PRUNE2: variants seen among roughly 807,000 people sequenced by gnomAD.
PRUNE2 encodes prune homolog 2 with BCH domain, also known as protein prune homolog 2.
A neutral mutation model predicts 252.0 loss-of-function variants in PRUNE2; 164 were observed. The ratio of observed to expected loss-of-function variants is 0.65; its 90% CI spans 0.57 to 0.74. The LOEUF (loss-of-function observed/expected upper bound fraction) is 0.74, where lower values mean the gene tolerates loss of function less well. Ranked by LOEUF, PRUNE2 falls within the 30% of genes least tolerant of loss-of-function variation. The pLI is 0.00. For missense variants in PRUNE2, 3,495 were observed against 3,711.0 expected, an observed-to-expected ratio of 0.94 and a Z score of 1.51; for synonymous variants, 1,292 against 1,350.2, an observed-to-expected ratio of 0.96 and a Z score of 0.94.
intron 14 of PRUNE2, 24 bp downstream of exon 14, chr9:76,637,394 G>T (rs200110546): frequency 6.2e-6 from 10 of 1,611,352 alleles, no homozygotes; most frequent in Middle Eastern, 3.3e-4. Flanking sequence ...TCAAAATAGT[G>T]ATTAAATAAT....
At chr9:76,902,346 A>T (rs2063229436) in intron 1 of PRUNE2, among the ~76,000 whole-genome samples, 1 of 152,202 alleles carries the variant, frequency 6.6e-6, no homozygotes, top group Non-Finnish European at 1.5e-5. Context: ...GTAACTAAGA[A>T]CAGAAAGCAT....
chr9:76,693,780 A>G (rs625981), intron 9 of PRUNE2, among the ~76,000 whole-genome samples: 118,387 of 151,590 alleles, frequency 0.78, 46,396 homozygotes, highest in East Asian at 0.94. Flanking sequence ...GAGTAGATGA[A>G]GAAGGTGCAA....
intron 1 of PRUNE2, among the ~76,000 whole-genome samples, chr9:76,884,607 A>G (rs1171917222): frequency 6.6e-6 from 1 of 152,188 alleles, no homozygotes; most frequent in Non-Finnish European, 1.5e-5. Context: ...CTTGTTCCCC[A>G]ACTTTCCACT....
At chr9:76,619,298 C>T (rs774769408) in intron 18 of PRUNE2, 42 bp downstream of exon 18, 11 of 1,372,606 alleles carry the variant, frequency 8.0e-6, no homozygotes, top group African/African-American at 1.4e-5. Context: ...CCATACAACA[C>T]TACAAGTAAC....
intron 12 of PRUNE2, among the ~76,000 whole-genome samples, chr9:76,639,081 T>C (rs1486988476): frequency 6.6e-6 from 1 of 152,212 alleles, no homozygotes; most frequent in Non-Finnish European, 1.5e-5. Context: ...ATTTAATGAT[T>C]CTACAGTCCA....
At chr9:76,795,550 G>C (rs80011477) in intron 6 of PRUNE2, among the ~76,000 whole-genome samples, 3 of 148,398 alleles carry the variant, frequency 2.0e-5, no homozygotes, top group South Asian at 2.1e-4. Flanking sequence ...ATAGCCCCTG[G>C]GGGGGAGCAT....
chr9:76,736,135 A>AGTGTGT lies in PRUNE2; in HGVS notation c.757-22420_757-22415dup, dbSNP rs10536918. On this transcript the variant is annotated intron_variant, in intron 6 of 18. Transcript: ENST00000376718. ...CTTAGAGATTAGTAGGGTTTGTGTGAGTGTGTGTGTGTGTGTGTGTGTGTG... is the reference window on the plus strand; with the variant it reads ...CTTAGAGATTAGTAGGGTTTGTGTGAGTGTGTGTGTGTGTGTGTGTGTGTGTGTGTG... Among the ~76,000 whole-genome samples, 580 of 149,514 alleles carry AGTGTGT rather than the reference A, an allele frequency of 3.9e-3. 2 individuals carry two copies. The highest frequency in any genetic ancestry group is 0.014 in the African/African-American group (552 of 40,868).
intron 6 of PRUNE2, among the ~76,000 whole-genome samples, chr9:76,793,291 T>G (rs1017219260): frequency 6.6e-6 from 1 of 152,184 alleles, no homozygotes; most frequent in Non-Finnish European, 1.5e-5. Flanking sequence ...CAATAAATAA[T>G]AATGAACAAT....
intron 1 of PRUNE2, among the ~76,000 whole-genome samples, chr9:76,885,243 T>G (rs945380535): frequency 8.5e-5 from 13 of 152,248 alleles, no homozygotes; most frequent in African/African-American, 2.7e-4. Flanking sequence ...GAAGACATAA[T>G]GGTGTGTGCT....
At chr9:76,876,210 A>T (rs1259577140) in intron 1 of PRUNE2, among the ~76,000 whole-genome samples, 1 of 152,246 alleles carries the variant, frequency 6.6e-6, no homozygotes, top group Non-Finnish European at 1.5e-5. Context: ...GGAAATAAAA[A>T]TACACAATGA....
intron 4 of PRUNE2, among the ~76,000 whole-genome samples, chr9:76,844,989 C>G (rs1273679550): frequency 1.6e-5 from 2 of 128,030 alleles, no homozygotes; most frequent in Non-Finnish European, 1.6e-5. Flanking sequence ...TATGGTGAGA[C>G]CCCCCTCTCT....
chr9:76,621,599 C>T (rs968076220), intron 17 of PRUNE2, among the ~76,000 whole-genome samples: 1 of 152,154 alleles, frequency 6.6e-6, no homozygotes, highest in African/African-American at 2.4e-5. Flanking sequence ...TTTTATTTGG[C>T]CCTTGACTTT....
At position 76,704,950 on chromosome 9, in the gene PRUNE2, T is replaced by C. The variant is rs923093339; in HGVS notation, c.7324A>G (p.Asn2442Asp). The C allele has an allele frequency of 6.2e-7, 1 of 1,613,110 alleles. No homozygotes were observed. Among genetic ancestry groups the C allele is most frequent in the African/African-American group, 1.3e-5 (1 of 75,044 alleles). The change falls in exon 8 of 19, where the codon AAC (asparagine) becomes GAC (aspartate). Residue 2442 changes from asparagine (N) to aspartate (D), a missense_variant. Coordinates refer to ENST00000376718, the MANE Select transcript of PRUNE2 (RefSeq NM_015225.3). ...AGTCTGTTTTTGGTCTCAGCCTGGT[T>C]TCCCTCACTTCTTCGATCAGGAAGT... ...SALPDRRSEGNQAETKNRLPG... is the reference protein window; with the variant it reads ...SALPDRRSEGDQAETKNRLPG...
In PRUNE2 at chr9:76,704,025, C is replaced by T; in HGVS notation, c.7588G>A (p.Glu2530Lys). ...PTKEPEQIKS[E>K]YKEERCTEKN... is the part of the protein sequence containing the mutation. ...TCTGTACATCTTTCTTCCTTGTATT[C>T]TGATTTTATCTGCTCAGGCTCTTTG... Residue 2530 changes from glutamate (E) to lysine (K), a missense_variant, in exon 9 of 19, where the codon GAA becomes AAA. Glu to Lys is a moderately conservative substitution (Grantham distance 56, BLOSUM62 1). Coordinates refer to ENST00000376718, the MANE Select transcript of PRUNE2 (RefSeq NM_015225.3). The T allele has an allele frequency of 6.2e-7, 1 of 1,613,462 alleles. No homozygotes were observed. Among genetic ancestry groups the T allele is most frequent in the Non-Finnish European group, 8.5e-7 (1 of 1,179,718 alleles).
At chr9:76,851,194 T>C (rs538634854) in intron 2 of PRUNE2, among the ~76,000 whole-genome samples, 1 of 152,212 alleles carries the variant, frequency 6.6e-6, no homozygotes, top group African/African-American at 2.4e-5. Flanking sequence ...ATGAGATGCC[T>C]GTCACTCAGC....
chr9:76,674,302 G>T (rs376670094), intron 9 of PRUNE2, among the ~76,000 whole-genome samples: 6 of 152,090 alleles, frequency 3.9e-5, no homozygotes, highest in Non-Finnish European at 8.8e-5. Context: ...ACTCCCATTC[G>T]CAATTGCTTC....
intron 1 of PRUNE2, among the ~76,000 whole-genome samples, chr9:76,897,390 CTTTTTTTTTTTTTT>C (rs55702049): frequency 4.3e-4 from 24 of 56,298 alleles, no homozygotes; most frequent in South Asian, 1.3e-3. Context: ...AGGCAAACCT[CTTTTTTTTTTTTTT>C]TTTTTTTTTT....
At chr9:76,633,935 C>G (rs1206069205) in intron 15 of PRUNE2, among the ~76,000 whole-genome samples, 1 of 152,010 alleles carries the variant, frequency 6.6e-6, no homozygotes, top group African/African-American at 2.4e-5. Context: ...CAACATGAGA[C>G]CCCATATCTA....
chr9:76,871,792 C>T (rs1177502807), intron 1 of PRUNE2, among the ~76,000 whole-genome samples: 1 of 152,036 alleles, frequency 6.6e-6, no homozygotes, highest in East Asian at 1.9e-4. Context: ...CCCCGCCTGG[C>T]CAATTTTTGT....
Sources: gnomAD v4.1 joint callset for allele counts (sites outside exome capture counted in the v4.1 genomes callset) on GRCh38, gnomAD v4.1.1 for gene constraint, MANE v1.5 for transcripts, NCBI Gene and HGNC (gene_info 2026-07-23, HGNC 2026-07-21) for gene names.